The following PRR14L variants were observed in gnomAD, a reference collection of about 807,000 sequenced individuals.
The protein encoded by PRR14L is protein PRR14L.
In PRR14L, 80 loss-of-function variants were observed where a neutral mutation model predicts 155.0. The ratio of observed to expected loss-of-function variants is 0.52; its 90% CI spans 0.43 to 0.62. The LOEUF (loss-of-function observed/expected upper bound fraction) is 0.62. Among genes scored for constraint, PRR14L ranks in the 20% least tolerant of loss-of-function variants. PRR14L has a pLI of 0.00. For synonymous variants in PRR14L, 883 were observed against 916.0 expected, an observed-to-expected ratio of 0.96 and a Z score of 0.65; for missense variants, 2,469 against 2,548.0, an observed-to-expected ratio of 0.97 and a Z score of 0.67.
chr22:31,696,971 T>G lies in PRR14L; in HGVS notation c.6107+4685A>C, dbSNP rs535691862. 2.6e-5 allele frequency among the ~76,000 whole-genome samples: 4 copies of G among 152,038 alleles called. No homozygotes were observed. The East Asian group carries it at 7.8e-4, about 29-fold the overall frequency. ...CTCTACTAAAAATACAAAAATTAGC[T>G]GGGTGTGGTGGCGTGTGCCTGTGAT... is the stretch of plus-strand genomic sequence containing the variant. On this transcript the variant is annotated intron_variant, in intron 7 of 8. Transcript: ENST00000327423.
chr22:31,713,048 C>A lies in PRR14L; in HGVS notation c.4791G>T (p.Pro1597=). The A allele has an allele frequency of 6.4e-7, 1 of 1,552,252 alleles. No individual in the cohort carries two copies. The highest frequency in any genetic ancestry group is 8.7e-7 in the Non-Finnish European group (1 of 1,147,108). ...VSHIPKQMST[P]CHPLRSLNFR... Reference sequence around the variant, plus strand: ...AATTCAGGCTCCTCAAGGGATGGCACGGTGTAGACATCTGCTTTGGTATGT... The same window carrying A: ...AATTCAGGCTCCTCAAGGGATGGCAAGGTGTAGACATCTGCTTTGGTATGT... The change falls in exon 4 of 9, where the codon CCG becomes CCT. Residue 1597 remains proline (P), a synonymous_variant. Coordinates refer to ENST00000327423, the MANE Select transcript of PRR14L (RefSeq NM_173566.3).
At position 31,715,821 on chromosome 22, in the gene PRR14L, T is replaced by C. The variant is rs569413457; in HGVS notation, c.2018A>G (p.His673Arg). ...HANLPTDSLL[H>R]LNKEMPLATG... ...TGCTAAAGGCATCTCTTTGTTTAAA[T>C]GCAGTAGAGAGTCAGTTGGCAAATT... The change falls in exon 4 of 9, where the codon CAT becomes CGT. Residue 673 changes from histidine to arginine, a missense_variant. Transcript: ENST00000327423. 1 of 1,551,742 alleles carries C rather than the reference T, an allele frequency of 6.4e-7. No homozygotes were observed. Among genetic ancestry groups the C allele is most frequent in the South Asian group, 1.2e-5 (1 of 84,048 alleles).
Position 31,715,529 on chromosome 22 carries a change from T to C in PRR14L, c.2310A>G (p.Gln770=), listed in dbSNP as rs1412628053. ...TGTGACATTCTATGACAGAGACCAC[T>C]TGAGGAAAGCCAGCTGCTTCTCTCT... The part of the protein sequence containing the change: ...SNKREAAGFP[Q]VVSVIECHSV... The change falls in exon 4 of 9, where the codon CAA becomes CAG. Residue 770 remains glutamine (Q), a synonymous_variant. Transcript: ENST00000327423. The C allele has an allele frequency of 3.4e-5, 53 of 1,552,090 alleles. No homozygotes were observed. In the Admixed American group the frequency reaches 1.0e-3, roughly 30 times the overall value.
chr22:31,689,777 G>A (rs980228972), intron 7 of PRR14L, among the ~76,000 whole-genome samples: 3 of 151,722 alleles, frequency 2.0e-5, no homozygotes, highest in South Asian at 2.1e-4. Flanking sequence ...ACAGAGTTTC[G>A]CTCTTTTTGC....
At chr22:31,726,999 C>G (rs1186877596) in intron 2 of PRR14L, among the ~76,000 whole-genome samples, 1 of 152,146 alleles carries the variant, frequency 6.6e-6, no homozygotes, top group East Asian at 1.9e-4. Context: ...GCTATTGGAG[C>G]CTCTGTAAAG....
chr22:31,710,835 T>G (rs2074616914), intron 4 of PRR14L, among the ~76,000 whole-genome samples: 1 of 152,146 alleles, frequency 6.6e-6, no homozygotes, highest in South Asian at 2.1e-4. Flanking sequence ...GGTACAATGA[T>G]ATTGACGAAA....
At position 31,725,578 on chromosome 22, in the gene PRR14L, A is replaced by C. The variant is rs1364624898; in HGVS notation, c.507T>G (p.Leu169=). The change falls in exon 3 of 9, where the codon CTT becomes CTG. Residue 169 remains leucine, a synonymous_variant. Transcript: ENST00000327423. Reference sequence around the variant, plus strand: ...AATCTTCAGGGAGGTCCACATGTGAAAGTTCTTTGCTGGACTGCATCAGGA... The same window carrying C: ...AATCTTCAGGGAGGTCCACATGTGACAGTTCTTTGCTGGACTGCATCAGGA... The part of the protein sequence containing the change: ...EDLLMQSSKE[L]SHVDLPEDFL... The C allele has an allele frequency of 1.0e-5, 16 of 1,551,176 alleles. No homozygotes were observed. The highest frequency in any genetic ancestry group is 1.4e-5 in the Non-Finnish European group (16 of 1,146,652).
At chr22:31,701,526 A>C in intron 7 of PRR14L, 130 bp downstream of exon 7, 2 of 576,312 alleles carry the variant, frequency 3.5e-6, no homozygotes, top group Non-Finnish European at 6.2e-6. Context: ...ATTACTAATT[A>C]ATTCTTTAGG....
Position 31,715,938 on chromosome 22 carries a change from TC to T in PRR14L, c.1900del (p.Glu634AsnfsTer10), listed in dbSNP as rs2074656520. 1 of 1,551,678 alleles carries T rather than the reference TC, an allele frequency of 6.4e-7. No individual in the cohort carries two copies. Among genetic ancestry groups the T allele is most frequent in the Non-Finnish European group, 8.7e-7 (1 of 1,146,992 alleles). On this transcript the variant is annotated frameshift_variant, in exon 4 of 9. Coordinates refer to ENST00000327423, the MANE Select transcript of PRR14L (RefSeq NM_173566.3). LOFTEE classifies it high-confidence loss of function. ...DEQSIACEMNELSCTNELVVN... is the reference protein window; with the variant it reads ...DEQSIACEMNXLSCTNELVVN... ...AACCAGTTCATTGGTACAAGAAAGTTCATTCATCTCACAGGCTATGCTCTGT... is the reference window on the plus strand; with the variant it reads ...AACCAGTTCATTGGTACAAGAAAGTTATTCATCTCACAGGCTATGCTCTGT...
rs574801816 is a variant in PRR14L at position 31,725,666 on chromosome 22, A to ATAT, written c.475-59_475-57dup. 6.0e-5 allele frequency: 58 copies of ATAT among 971,148 alleles called. 1 individual carries two copies. Among genetic ancestry groups the ATAT allele is most frequent in the Non-Finnish European group, 8.3e-5 (53 of 639,478 alleles). 60.2% of individuals were successfully genotyped at this position (971,148 alleles called of 1,614,324 possible). On this transcript the variant is annotated intron_variant, in intron 2 of 8. Transcript: ENST00000327423. ...GATTCAGAAGATTCTGAGTTAATGA[A>ATAT]TATTATTATTATTATTATTTTTTGA...
intron 3 of PRR14L, 116 bp downstream of exon 3, chr22:31,725,422 T>G (rs2074711077): frequency 2.9e-6 from 2 of 690,070 alleles, no homozygotes; most frequent in Non-Finnish European, 5.2e-6. Context: ...TATAGTTAAG[T>G]ACACCTTACA....
intron 4 of PRR14L, among the ~76,000 whole-genome samples, chr22:31,709,712 TG>T (rs2074611225): frequency 1.3e-5 from 2 of 151,596 alleles, no homozygotes; most frequent in South Asian, 4.2e-4. Context: ...AGCTAATTTT[TG>T]TATTTTTAGT....
intron 1 of PRR14L, among the ~76,000 whole-genome samples, chr22:31,739,505 T>G (rs923706674): frequency 6.6e-6 from 1 of 152,202 alleles, no homozygotes; most frequent in African/African-American, 2.4e-5. Flanking sequence ...ACCAGCTCGT[T>G]AGCAGAATCC....
chr22:31,707,475 G>T (rs2074598458), intron 4 of PRR14L, among the ~76,000 whole-genome samples: 1 of 152,148 alleles, frequency 6.6e-6, no homozygotes, highest in South Asian at 2.1e-4. Flanking sequence ...CCACTTCCCA[G>T]GTTCAAGCGA....
chr22:31,717,853 C>T (rs781307936), intron 3 of PRR14L, among the ~76,000 whole-genome samples: 1 of 151,990 alleles, frequency 6.6e-6, no homozygotes, highest in Non-Finnish European at 1.5e-5. Context: ...CTCCACCTCT[C>T]AGCTCAAGCA....
intron 1 of PRR14L, among the ~76,000 whole-genome samples, chr22:31,748,797 C>T (rs967516709): frequency 5.9e-5 from 9 of 152,324 alleles, no homozygotes; most frequent in African/African-American, 2.2e-4. Context: ...CTCACTTTCT[C>T]TTAAGAGCAC....
chr22:31,681,569 C>G lies in PRR14L; in HGVS notation c.*3958G>C, dbSNP rs924381592. ...AGACCAGCCCAAGGAGATGCTGAGG[C>G]CTCTCACCAAGAATTCAAATCCAAT... On this transcript the variant is annotated 3_prime_UTR_variant, in exon 9 of 9. Coordinates refer to ENST00000327423, the MANE Select transcript of PRR14L (RefSeq NM_173566.3). 1 of 152,042 alleles carries G rather than the reference C, an allele frequency of 6.6e-6. No individual in the cohort carries two copies. Among genetic ancestry groups the G allele is most frequent in the South Asian group, 2.1e-4 (1 of 4,810 alleles). The allele number at this position is 152,042 out of a possible 1,614,324, so 9.4% of individuals were successfully genotyped here. A position where few individuals can be genotyped will look rare whatever the true frequency, so the allele number is the denominator to read the frequency against.
rs1355046728 is a variant in PRR14L at position 31,716,925 on chromosome 22, A to G, written c.914T>C (p.Val305Ala). 7.1e-6 allele frequency: 11 copies of G among 1,552,024 alleles called. No individual in the cohort carries two copies. In the Admixed American group the frequency reaches 7.8e-5, roughly 11 times the overall value. Residue 305 changes from valine to alanine, a missense_variant, in exon 4 of 9, where the codon GTC (valine) becomes GCC (alanine). Physicochemically the swap from Val to Ala is moderately conservative, Grantham distance 64. Coordinates refer to ENST00000327423, the MANE Select transcript of PRR14L (RefSeq NM_173566.3). ...GKEELCKPNL[V>A]CEADDNHQQL... ...TTGGTGATTGTCATCTGCTTCACAG[A>G]CCAGGTTTGGTTTACACAACTCTTC... is the stretch of plus-strand genomic sequence containing the variant.
intron 1 of PRR14L, among the ~76,000 whole-genome samples, chr22:31,745,861 A>AAATAT (rs1556487354): frequency 1.5e-5 from 2 of 132,348 alleles, no homozygotes; most frequent in African/African-American, 5.9e-5. Flanking sequence ...AAAAAAAAAA[A>AAATAT]ATATATATAT....
Sources: allele counts gnomAD v4.1 joint callset (sites outside exome capture counted in the v4.1 genomes callset), GRCh38; gene constraint gnomAD v4.1.1; transcripts MANE v1.5; gene names NCBI Gene and HGNC (gene_info 2026-07-23, HGNC 2026-07-21).